Variants in ADAMTSL4 observed in about 807,000 individuals in gnomAD.
ADAMTSL4 encodes ADAMTS-like protein 4.
In ADAMTSL4, 97 loss-of-function variants were observed where a neutral mutation model predicts 122.8. The ratio of observed to expected loss-of-function variants is 0.79; its 90% CI spans 0.67 to 0.93. ADAMTSL4 has a LOEUF of 0.93. ADAMTSL4 is among the 40% of genes least tolerant of loss of function. The pLI is 0.00. For missense variants in ADAMTSL4, 1,408 were observed against 1,453.5 expected (o/e 0.97, Z 0.51); for synonymous variants, 592 against 568.0 (o/e 1.04, Z -0.60).
chr1:150,556,596 CCGATCTCT>C lies in ADAMTSL4; in HGVS notation c.1577-23_1577-16del. ...GAAGGTATTATCACCCTGGAATTTC[CCGATCTCT>C]CACCTCTGACCCGCAGCACTTCGTG... is the stretch of plus-strand genomic sequence containing the variant. On this transcript the variant is annotated splice_polypyrimidine_tract_variant and intron_variant, in intron 9 of 18. Transcript: ENST00000271643. The surrounding 1 kb of genome is among the most constrained non-coding windows in gnomAD (Gnocchi z 4.1). The C allele has an allele frequency of 6.2e-7, 1 of 1,613,864 alleles. No individual in the cohort carries two copies. The highest frequency in any genetic ancestry group is 2.2e-5 in the East Asian group (1 of 44,866).
Position 150,557,245 on chromosome 1 carries a change from G to A in ADAMTSL4, c.1957G>A (p.Ala653Thr), listed in dbSNP as rs587687025. 29 of 1,367,240 alleles carry A rather than the reference G, an allele frequency of 2.1e-5. No homozygotes were observed. Among genetic ancestry groups the A allele is most frequent in the African/African-American group, 8.9e-5 (6 of 67,226 alleles). The allele number at this position is 1,367,240 out of a possible 1,614,324, so 84.7% of individuals were successfully genotyped here. ...QRQVRIPQMP[A>T]PPHPRTPLGS... is the part of the protein sequence containing the mutation. ...TCAGGTGCGGATCCCCCAGATGCCC[G>A]CCCCGCCCCATCCCAGGACACCCCT... Residue 653 changes from alanine (A) to threonine (T), a missense_variant, in exon 12 of 19, where the codon GCC becomes ACC. By Grantham distance (58) the Ala-to-Thr change is moderately conservative. Transcript: ENST00000271643.
rs1272803098 is a variant in ADAMTSL4, at chr1:150,554,150, A to T, written c.1131+28A>T. 1 of 1,595,788 alleles carries T rather than the reference A, an allele frequency of 6.3e-7. No individual in the cohort carries two copies. Among genetic ancestry groups the T allele is most frequent in the African/African-American group, 1.3e-5 (1 of 74,696 alleles). On this transcript the variant is annotated intron_variant, in intron 6 of 18. Coordinates refer to ENST00000271643, the MANE Select transcript of ADAMTSL4 (RefSeq NM_019032.6). The surrounding 1 kb of genome is among the most constrained non-coding windows in gnomAD (Gnocchi z 4.0). The stretch of plus-strand genomic sequence containing the variant: ...GAGTCTCCTCGGGCCTCCCCTCCCA[A>T]CCCCGACCTCCAGTGTGGCTTCCCT...
chr1:150,558,986 A>C lies in ADAMTSL4; in HGVS notation c.2584A>C (p.Ile862Leu). Residue 862 changes from isoleucine to leucine, a missense_variant, in exon 16 of 19, where the codon ATC (isoleucine) becomes CTC (leucine). Ile to Leu is a conservative substitution (Grantham distance 5, BLOSUM62 2). Coordinates refer to ENST00000271643, the MANE Select transcript of ADAMTSL4 (RefSeq NM_019032.6). ...GTGCTCAGCCGAGTGTGGGACGGGA[A>C]TCCAGCGGCGCTCTGTGGTCTGCCT... is the stretch of plus-strand genomic sequence containing the variant. ...SKCSAECGTG[I>L]QRRSVVCLGS... 3.7e-6 allele frequency: 6 copies of C among 1,610,524 alleles called. No individual in the cohort carries two copies. The highest frequency in any genetic ancestry group is 5.1e-6 in the Non-Finnish European group (6 of 1,179,420).
Position 150,553,641 on chromosome 1 carries a change from C to G in ADAMTSL4, c.650C>G (p.Thr217Arg), listed in dbSNP as rs1671674904. 2 of 1,613,828 alleles carry G rather than the reference C, an allele frequency of 1.2e-6. No individual in the cohort carries two copies. The highest frequency in any genetic ancestry group is 1.7e-6 in the Non-Finnish European group (2 of 1,179,934). The change falls in exon 6 of 19, where the codon ACA (threonine) becomes AGA (arginine). Residue 217 changes from threonine to arginine, a missense_variant. By Grantham distance (71) the Thr-to-Arg change is moderately conservative. Transcript: ENST00000271643. Reference protein sequence around the residue: ...NGSPQTELPPTELSVHTPSPQ... With the variant: ...NGSPQTELPPRELSVHTPSPQ... ...AGCCCCCAAACTGAGCTCCCTCCCA[C>G]AGAACTGTCTGTCCACACCCCATCC...
chr1:150,553,010 T>G lies in ADAMTSL4; in HGVS notation c.191T>G (p.Val64Gly). 6.2e-7 allele frequency: 1 copy of G among 1,612,044 alleles called. No homozygotes were observed. Among genetic ancestry groups the G allele is most frequent in the Non-Finnish European group, 8.5e-7 (1 of 1,179,676 alleles). The change falls in exon 5 of 19, where the codon GTG becomes GGG. Residue 64 changes from valine (V) to glycine (G), a missense_variant. Coordinates refer to ENST00000271643, the MANE Select transcript of ADAMTSL4 (RefSeq NM_019032.6). ...TGCTCCCAGCCCTGCGGGGTGGGGG[T>G]GCAGCGCAGGAGCCGGACATGTCAG... ...ASCSQPCGVGVQRRSRTCQLP... is the reference protein window; with the variant it reads ...ASCSQPCGVGGQRRSRTCQLP...
intron 2 of ADAMTSL4, chr1:150,550,233 C>T (rs763275595): frequency 1.3e-5 from 6 of 456,622 alleles, no homozygotes; most frequent in Non-Finnish European, 2.2e-5. Context: ...CTCCTTTCCT[C>T]GTCCTGGGCC....
chr1:150,552,283 G>T lies in ADAMTSL4; in HGVS notation c.-6G>T. The T allele has an allele frequency of 6.4e-7, 1 of 1,554,260 alleles. No individual in the cohort carries two copies. The highest frequency in any genetic ancestry group is 1.4e-5 in the African/African-American group (1 of 73,448). ...TGCCTCCCCCTGGGGCAGTAGAGGGGGAGCGATGGAGAACTGGACTGGCAG... is the reference window on the plus strand; with the variant it reads ...TGCCTCCCCCTGGGGCAGTAGAGGGTGAGCGATGGAGAACTGGACTGGCAG... On this transcript the variant is annotated 5_prime_UTR_variant, in exon 3 of 19. Transcript: ENST00000271643. This position sits in a 1 kb window ranked among gnomAD's most constrained non-coding sequence, Gnocchi z 4.0.
At position 150,559,045 on chromosome 1, in the gene ADAMTSL4, G is replaced by A. The variant is rs201300637; in HGVS notation, c.2643G>A (p.Gly881=). Residue 881 remains glycine, a synonymous_variant, in exon 16 of 19, where the codon GGG becomes GGA. Coordinates refer to ENST00000271643, the MANE Select transcript of ADAMTSL4 (RefSeq NM_019032.6). This position sits in a 1 kb window ranked among gnomAD's most constrained non-coding sequence, Gnocchi z 4.1. ...GSGAALGPGQ[G]EAGAGTGQSC... The stretch of plus-strand genomic sequence containing the variant: ...GGGCAGCCCTCGGGCCAGGCCAGGG[G>A]GAAGCAGGAGCAGGAACTGGGCAGA... 101 of 1,612,408 alleles carry A rather than the reference G, an allele frequency of 6.3e-5. 1 individual carries two copies. The East Asian group carries it at 1.8e-3, about 28-fold the overall frequency.
Position 150,554,927 on chromosome 1 carries a change from A to T in ADAMTSL4, c.1234+460A>T, listed in dbSNP as rs1424067753. Among the ~76,000 whole-genome samples the T allele has an allele frequency of 6.7e-6, 1 of 149,352 alleles. No individual in the cohort carries two copies. The highest frequency in any genetic ancestry group is 2.0e-4 in the East Asian group (1 of 5,038). On this transcript the variant is annotated intron_variant, in intron 7 of 18. Transcript: ENST00000271643. The surrounding 1 kb of genome is among the most constrained non-coding windows in gnomAD (Gnocchi z 4.0). ...ACACACAGAATCATGGGCATCAGGG[A>T]TTGCTCCTCTCTCAGTTCAGAGTCC...
intron 2 of ADAMTSL4, chr1:150,551,849 C>A (rs1671438718): frequency 5.9e-6 from 1 of 170,046 alleles, no homozygotes; most frequent in Non-Finnish European, 1.3e-5. Flanking sequence ...TTTGGTGGCA[C>A]CACTGCCCTC....
rs1439298135 is a variant in ADAMTSL4 at position 150,559,741 on chromosome 1, G to C, written c.2944-20G>C. ...CCCGGGCCTGGCAAAGGTCTGATAT[G>C]ATGGCTGGGGTCGCCCCAGTGTTCT... On this transcript the variant is annotated intron_variant, in intron 17 of 18. Transcript: ENST00000271643. This position sits in a 1 kb window ranked among gnomAD's most constrained non-coding sequence, Gnocchi z 4.1. 3 of 1,613,808 alleles carry C rather than the reference G, an allele frequency of 1.9e-6. No individual in the cohort carries two copies. Among genetic ancestry groups the C allele is most frequent in the Non-Finnish European group, 2.5e-6 (3 of 1,179,992 alleles).
At position 150,556,297 on chromosome 1, in the gene ADAMTSL4, ATCT is replaced by A. The variant is rs753718237; in HGVS notation, c.1509_1511del (p.Ile503_Leu504delinsMet). The A allele has an allele frequency of 1.2e-6, 2 of 1,613,922 alleles. No individual in the cohort carries two copies. The highest frequency in any genetic ancestry group is 2.2e-5 in the South Asian group (2 of 91,072). Reference sequence around the variant, plus strand: ...AGGGGGCCCCCTGGGCTATCAGAAGATCTTGTGGATTCCAGCGGGAGCCTTGCG... The same window carrying A: ...AGGGGGCCCCCTGGGCTATCAGAAGATGTGGATTCCAGCGGGAGCCTTGCG... On this transcript the variant is annotated inframe_deletion, in exon 9 of 19. Transcript: ENST00000271643. The surrounding 1 kb of genome is among the most constrained non-coding windows in gnomAD (Gnocchi z 4.1).
intron 8 of ADAMTSL4, among the ~76,000 whole-genome samples, 193 bp downstream of exon 8, chr1:150,555,758 T>C (rs1217227567): frequency 2.0e-5 from 3 of 150,154 alleles, no homozygotes; most frequent in African/African-American, 4.9e-5. Flanking sequence ...TGCACACACA[T>C]GCACATGCAT....
At position 150,558,484 on chromosome 1, in the gene ADAMTSL4, G is replaced by C; in HGVS notation, c.2394G>C (p.Arg798=). 6.2e-7 allele frequency: 1 copy of C among 1,613,654 alleles called. No homozygotes were observed. The highest frequency in any genetic ancestry group is 8.5e-7 in the Non-Finnish European group (1 of 1,179,996). ...CCTCGCCCCCTCAGTGCTCCGTGCGGTGCGGCCGGGGCCAGAGAAGCCGGC... is the reference window on the plus strand; with the variant it reads ...CCTCGCCCCCTCAGTGCTCCGTGCGCTGCGGCCGGGGCCAGAGAAGCCGGC... ...VGSPWSQCSV[R]CGRGQRSRQV... is the part of the protein sequence containing the mutation. Residue 798 remains arginine (R), a synonymous_variant, in exon 15 of 19, where the codon CGG becomes CGC. Transcript: ENST00000271643.
intron 13 of ADAMTSL4, 104 bp downstream of exon 13, chr1:150,557,727 G>C: frequency 7.1e-7 from 1 of 1,400,790 alleles, no homozygotes; most frequent in Non-Finnish European, 9.6e-7. Context: ...TCTCCTGGCT[G>C]CAGAGAGACA....
rs1410724099 is a variant in ADAMTSL4 at position 150,559,589 on chromosome 1, A to G, written c.2943+123A>G. On this transcript the variant is annotated intron_variant, in intron 17 of 18. Transcript: ENST00000271643. The surrounding 1 kb of genome is among the most constrained non-coding windows in gnomAD (Gnocchi z 4.1). Reference sequence around the variant, plus strand: ...AGAATAAGCCCAGCCAAGCGTTACCACTGTCCTACTTCTTATAGACTTGGA... The same window carrying G: ...AGAATAAGCCCAGCCAAGCGTTACCGCTGTCCTACTTCTTATAGACTTGGA... 2.6e-6 allele frequency: 4 copies of G among 1,552,930 alleles called. No homozygotes were observed. The African/African-American group carries it at 4.1e-5, about 16-fold the overall frequency.
chr1:150,550,063 A>G (rs1397063414), intron 2 of ADAMTSL4, 168 bp downstream of exon 2: 3 of 354,208 alleles, frequency 8.5e-6, no homozygotes, highest in African/African-American at 6.4e-5. Context: ...ACAGGGTCCA[A>G]CCACTCTCCA....
chr1:150,553,077 C>T lies in ADAMTSL4; in HGVS notation c.258C>T (p.Pro86=). ...VQLHPSLPLP[P]RPPRHPEALL... ...TCCACCCGAGTCTGCCCCTCCCTCC[C>T]CGGCCCCCAAGACATCCAGAAGCCC... The change falls in exon 5 of 19, where the codon CCC becomes CCT. Residue 86 remains proline (P), a synonymous_variant. Coordinates refer to ENST00000271643, the MANE Select transcript of ADAMTSL4 (RefSeq NM_019032.6). 2 of 1,613,574 alleles carry T rather than the reference C, an allele frequency of 1.2e-6. No homozygotes were observed. Among genetic ancestry groups the T allele is most frequent in the Non-Finnish European group, 8.5e-7 (1 of 1,179,874 alleles).
chr1:150,553,706 G>C lies in ADAMTSL4; in HGVS notation c.715G>C (p.Glu239Gln), dbSNP rs377690308. ...EPLSPETAQT[E>Q]VAPRTRPAPL... Reference sequence around the variant, plus strand: ...TCTAAGCCCTGAAACTGCTCAGACAGAGGTGGCCCCCAGAACCAGGCCTGC... The same window carrying C: ...TCTAAGCCCTGAAACTGCTCAGACACAGGTGGCCCCCAGAACCAGGCCTGC... Residue 239 changes from glutamate to glutamine, a missense_variant, in exon 6 of 19, where the codon GAG becomes CAG. Physicochemically the swap from Glu to Gln is conservative, Grantham distance 29. Coordinates refer to ENST00000271643, the MANE Select transcript of ADAMTSL4 (RefSeq NM_019032.6). The C allele has an allele frequency of 5.0e-6, 8 of 1,612,676 alleles. No homozygotes were observed. In the South Asian group the frequency reaches 6.6e-5, roughly 13 times the overall value.
Sources: allele counts gnomAD v4.1 joint callset (sites outside exome capture counted in the v4.1 genomes callset), GRCh38; gene constraint gnomAD v4.1.1; non-coding constraint Gnocchi (gnomAD v3.1); transcripts MANE v1.5; gene names NCBI Gene and HGNC (gene_info 2026-07-23, HGNC 2026-07-21).